Variants in RGS22 observed in about 807,000 individuals in gnomAD.
RGS22 encodes the protein regulator of G-protein signaling 22.
Under a neutral mutation model 172.9 loss-of-function variants are expected in RGS22, and 148 were observed. The ratio of observed to expected loss-of-function variants is 0.86; its 90% CI spans 0.75 to 0.98. The LOEUF (loss-of-function observed/expected upper bound fraction) is 0.98. RGS22 is among the 50% of genes least tolerant of loss of function. The pLI is 0.00. For missense variants in RGS22, 1,347 were observed against 1,440.8 expected (o/e 0.93, Z 1.05); for synonymous variants, 458 against 480.2 (o/e 0.95, Z 0.60).
At chr8:100,070,049 C>CAAA (rs869191257) in intron 6 of RGS22, among the ~76,000 whole-genome samples, 1 of 101,698 alleles carries the variant, frequency 9.8e-6, no homozygotes, top group South Asian at 3.5e-4. Flanking sequence ...AAAAAAAAAA[C>CAAA]AAAACAAAAC....
At chr8:100,089,205 C>CAA (rs990471440) in intron 3 of RGS22, among the ~76,000 whole-genome samples, 8 of 147,214 alleles carry the variant, frequency 5.4e-5, no homozygotes, top group African/African-American at 2.2e-4. Context: ...GATACACACA[C>CAA]ACACAAACAC....
chr8:100,105,830 A>C, intron 1 of RGS22, 67 bp downstream of exon 1: 2 of 1,382,834 alleles, frequency 1.4e-6, no homozygotes, highest in Non-Finnish European at 2.0e-6. Context: ...TAAAGTCCAG[A>C]GGCTGGCGCG....
At chr8:99,962,356 C>T in intron 27 of RGS22, 38 bp downstream of exon 27, 2 of 1,322,382 alleles carry the variant, frequency 1.5e-6, no homozygotes, top group Non-Finnish European at 2.2e-6. Flanking sequence ...ATTACGAGGA[C>T]ATGTGTGGGA....
At chr8:100,003,773 T>A (rs1246793194) in intron 17 of RGS22, among the ~76,000 whole-genome samples, 153 bp downstream of exon 17, 1 of 152,210 alleles carries the variant, frequency 6.6e-6, no homozygotes, top group Non-Finnish European at 1.5e-5. Context: ...TTTAAAAAGT[T>A]ACCCATACAG....
intron 20 of RGS22, among the ~76,000 whole-genome samples, chr8:99,991,874 G>C (rs1043845442): frequency 2.0e-5 from 3 of 152,108 alleles, no homozygotes; most frequent in African/African-American, 7.2e-5. Context: ...GAGAAATGTC[G>C]AGTTACCCAC....
chr8:100,056,840 A>C (rs1809664989), intron 9 of RGS22, among the ~76,000 whole-genome samples: 1 of 152,164 alleles, frequency 6.6e-6, no homozygotes, highest in Admixed American at 6.5e-5. Context: ...GTGGTGTTGG[A>C]GCCCCCACAG....
At chr8:100,001,203 T>TTTATATATATATATATAC (rs1815021879) in intron 18 of RGS22, among the ~76,000 whole-genome samples, 1 of 8,786 alleles carries the variant, frequency 1.1e-4, no homozygotes, top group Admixed American at 1.5e-3. Flanking sequence ...CCCAATTTTT[T>TTTATATATATATATATAC]ATATATATAT....
At chr8:99,961,638 T>C (rs1810207074) in intron 27 of RGS22, among the ~76,000 whole-genome samples, 1 of 152,156 alleles carries the variant, frequency 6.6e-6, no homozygotes, top group Non-Finnish European at 1.5e-5. Context: ...TATTTCTTCA[T>C]AGGAGCATGA....
In RGS22 at chr8:100,008,566, G is replaced by C; in HGVS notation, c.2170C>G (p.Leu724Val). The stretch of plus-strand genomic sequence containing the variant: ...GAAGGAGCAACGTATGTGGCAAAAA[G>C]ATACTGAAGGAGAAGAGGGAAGAAG... ...PFKVCKQAQY[L>V]FATYVAPSAT... The change falls in exon 15 of 28, where the codon CTT becomes GTT. Residue 724 changes from leucine (L) to valine (V), a missense_variant. Leu to Val is a conservative substitution (Grantham distance 32). Coordinates refer to ENST00000360863, the MANE Select transcript of RGS22 (RefSeq NM_015668.5). 6.2e-7 allele frequency: 1 copy of C among 1,606,182 alleles called. No individual in the cohort carries two copies. Among genetic ancestry groups the C allele is most frequent in the Non-Finnish European group, 8.5e-7 (1 of 1,177,166 alleles).
At chr8:100,028,521 G>T (rs1016920639) in intron 14 of RGS22, among the ~76,000 whole-genome samples, 1 of 148,064 alleles carries the variant, frequency 6.8e-6, no homozygotes, top group African/African-American at 2.5e-5. Flanking sequence ...GTAAAAGAAA[G>T]AAAACAACAT....
intron 9 of RGS22, among the ~76,000 whole-genome samples, chr8:100,057,921 A>T (rs1809775823): frequency 6.6e-6 from 1 of 152,218 alleles, no homozygotes; most frequent in African/African-American, 2.4e-5. Context: ...CCTTTCAGAC[A>T]GAGAATTCAA....
rs1563567243 is a variant in RGS22 at position 99,978,000 on chromosome 8, T to A, written c.3436A>T (p.Ile1146Phe). The A allele has an allele frequency of 5.2e-6, 8 of 1,552,414 alleles. No homozygotes were observed. In the South Asian group the frequency reaches 8.9e-5, roughly 17 times the overall value. ...TGTCTTCTCTCTAAAACACTCATAA[T>A]ATTTTCATCTGTTAAATTCTTCCTA... ...EFRKNLTDENIMSVLERRQEY... is the reference protein window; with the variant it reads ...EFRKNLTDENFMSVLERRQEY... Residue 1146 changes from isoleucine to phenylalanine, a missense_variant, in exon 23 of 28, where the codon ATT becomes TTT. Transcript: ENST00000360863.
chr8:100,046,217 C>A (rs1820700015), intron 11 of RGS22: 1 of 152,068 alleles, frequency 6.6e-6, no homozygotes, highest in African/African-American at 2.4e-5. Context: ...ACACAAAAAA[C>A]TCTCCAGTTG....
chr8:100,056,862 G>C (rs2131735476), intron 9 of RGS22, among the ~76,000 whole-genome samples: 1 of 152,314 alleles, frequency 6.6e-6, no homozygotes, highest in East Asian at 1.9e-4. Flanking sequence ...GTCCCCACTG[G>C]GGCACTGCCT....
intron 14 of RGS22, among the ~76,000 whole-genome samples, chr8:100,027,882 T>C (rs1818353246): frequency 1.3e-5 from 2 of 152,232 alleles, no homozygotes; most frequent in African/African-American, 4.8e-5. Flanking sequence ...AGGTAATTGA[T>C]AGAACCTTAA....
chr8:100,083,931 C>T (rs995782238), intron 3 of RGS22, among the ~76,000 whole-genome samples: 11 of 150,676 alleles, frequency 7.3e-5, no homozygotes, highest in Non-Finnish European at 4.4e-5. Context: ...CTCACTGCAA[C>T]CTCCGCCTCC....
At chr8:100,021,103 C>T (rs1011760140) in intron 14 of RGS22, among the ~76,000 whole-genome samples, 2 of 152,142 alleles carry the variant, frequency 1.3e-5, no homozygotes, top group African/African-American at 4.8e-5. Context: ...ATCATGATCA[C>T]TAAAGAAAGA....
At chr8:100,051,440 A>C (rs1385113596) in intron 10 of RGS22, among the ~76,000 whole-genome samples, 1 of 100,770 alleles carries the variant, frequency 9.9e-6, no homozygotes, top group Non-Finnish European at 1.9e-5. Context: ...ATATTTATAT[A>C]TTTATTTATA....
intron 6 of RGS22, among the ~76,000 whole-genome samples, chr8:100,067,530 T>C (rs1156250787): frequency 6.6e-6 from 1 of 151,292 alleles, no homozygotes; most frequent in Admixed American, 6.6e-5. Context: ...CTATTTCAAC[T>C]GCAAAAAAAG....
Sources: gnomAD v4.1 joint callset for allele counts (sites outside exome capture counted in the v4.1 genomes callset) on GRCh38, gnomAD v4.1.1 for gene constraint, MANE v1.5 for transcripts, NCBI Gene and HGNC (gene_info 2026-07-23, HGNC 2026-07-21) for gene names.